The following SYN3 variants were observed in gnomAD, a reference collection of about 807,000 sequenced individuals.
SYN3 encodes the protein synapsin III.
Under a neutral mutation model 65.8 loss-of-function variants are expected in SYN3, and 35 were observed. The observed-to-expected ratio is 0.53, with a 90% CI of 0.41 to 0.70. The LOEUF (loss-of-function observed/expected upper bound fraction) is 0.70, where lower values mean the gene tolerates loss of function less well. SYN3 is among the 30% of genes least tolerant of loss of function. The pLI, the probability that SYN3 is intolerant of heterozygous loss-of-function variation, is 0.00. For missense variants in SYN3, 680 were observed against 749.0 expected, an observed-to-expected ratio of 0.91 and a Z score of 1.08; for synonymous variants, 270 against 292.9, an observed-to-expected ratio of 0.92 and a Z score of 0.80.
rs572618678 is a variant in SYN3, at chr22:32,695,033, G to A, written c.712-98297C>T. Among the ~76,000 whole-genome samples the A allele has an allele frequency of 1.2e-4, 19 of 152,262 alleles. No homozygotes were observed. The South Asian group carries it at 2.7e-3, about 22-fold the overall frequency. ...TCAGAATTTTGACTGAACATTCTCC[G>A]TCAAAGTTCTATGGTATATTAAGAC... On this transcript the variant is annotated intron_variant, in intron 6 of 13. Coordinates refer to ENST00000358763, the MANE Select transcript of SYN3 (RefSeq NM_003490.4).
chr22:32,582,779 C>T (rs537732771), intron 7 of SYN3, among the ~76,000 whole-genome samples: 5 of 151,900 alleles, frequency 3.3e-5, no homozygotes, highest in African/African-American at 7.3e-5. Flanking sequence ...AGCTCAGGAC[C>T]GTCTGACTTC....
At chr22:32,565,091 G>A (rs1318912350) in intron 7 of SYN3, among the ~76,000 whole-genome samples, 1 of 150,734 alleles carries the variant, frequency 6.6e-6, no homozygotes, top group African/African-American at 2.4e-5. Context: ...TACACAAACA[G>A]TGCTCCCGGA....
At chr22:33,007,098 A>C (rs1569399933) in intron 1 of SYN3, among the ~76,000 whole-genome samples, 1 of 152,260 alleles carries the variant, frequency 6.6e-6, no homozygotes, top group Admixed American at 6.5e-5. Context: ...AATACTGGGA[A>C]GTATCTCAAC....
intron 4 of SYN3, among the ~76,000 whole-genome samples, chr22:32,901,599 T>C (rs1441403226): frequency 2.6e-5 from 4 of 152,240 alleles, no homozygotes; most frequent in Non-Finnish European, 4.4e-5. Context: ...ATTTATCAAA[T>C]ACTTTCAATG....
chr22:32,731,829 G>A (rs958309132), intron 6 of SYN3, among the ~76,000 whole-genome samples: 1 of 152,162 alleles, frequency 6.6e-6, no homozygotes, highest in African/African-American at 2.4e-5. Flanking sequence ...GCCATATGGT[G>A]TGATATTTAG....
chr22:32,601,063 T>G (rs2059274829), intron 6 of SYN3, among the ~76,000 whole-genome samples: 1 of 152,220 alleles, frequency 6.6e-6, no homozygotes, highest in African/African-American at 2.4e-5. Flanking sequence ...GAACGGCATG[T>G]CCTTCTCCAG....
chr22:32,993,561 G>A (rs553824964), intron 2 of SYN3, among the ~76,000 whole-genome samples: 1 of 152,284 alleles, frequency 6.6e-6, no homozygotes, highest in East Asian at 1.9e-4. Context: ...GGCCAGGCTG[G>A]TCTCGAACTC....
At chr22:32,863,860 T>C (rs1287122292) in intron 6 of SYN3, among the ~76,000 whole-genome samples, 1 of 152,310 alleles carries the variant, frequency 6.6e-6, no homozygotes. Flanking sequence ...TAATGAACTC[T>C]GAATTTTCCC....
intron 3 of SYN3, among the ~76,000 whole-genome samples, chr22:32,943,939 T>C (rs544095514): frequency 1.2e-3 from 183 of 152,200 alleles, no homozygotes; most frequent in African/African-American, 4.1e-3. Context: ...AGCACCCAGA[T>C]TCATACAGCA....
chr22:32,791,733 G>A (rs1364870224), intron 6 of SYN3, among the ~76,000 whole-genome samples: 2 of 151,836 alleles, frequency 1.3e-5, no homozygotes, highest in Non-Finnish European at 2.9e-5. Flanking sequence ...TTTCACTGCG[G>A]ATGTGAAAAG....
intron 1 of SYN3, among the ~76,000 whole-genome samples, chr22:33,038,396 C>T (rs1266951526): frequency 6.6e-6 from 1 of 152,230 alleles, no homozygotes; most frequent in Non-Finnish European, 1.5e-5. Context: ...AACAGTCATT[C>T]CTGCTGCACT....
intron 6 of SYN3, among the ~76,000 whole-genome samples, chr22:32,771,709 A>G (rs1178197668): frequency 6.6e-6 from 1 of 152,186 alleles, no homozygotes; most frequent in Admixed American, 6.5e-5. Context: ...AATGCCCATT[A>G]TTCATTTTCA....
intron 6 of SYN3, among the ~76,000 whole-genome samples, chr22:32,763,312 A>G (rs1239741370): frequency 6.6e-6 from 1 of 151,866 alleles, no homozygotes; most frequent in Non-Finnish European, 1.5e-5. Flanking sequence ...ACGCCTGGCT[A>G]ATTTTTTTTT....
intron 6 of SYN3, among the ~76,000 whole-genome samples, chr22:32,822,242 A>G (rs2047270884): frequency 1.3e-5 from 2 of 151,902 alleles, no homozygotes; most frequent in South Asian, 4.2e-4. Context: ...CCTGTGCCCA[A>G]AGTCTTCCTC....
intron 6 of SYN3, among the ~76,000 whole-genome samples, chr22:32,698,636 C>CAATGATGGT (rs1411817177): frequency 6.6e-6 from 1 of 152,144 alleles, no homozygotes; most frequent in Non-Finnish European, 1.5e-5. Flanking sequence ...CTGTAAAGGG[C>CAATGATGGT]AATGATGGTG....
chr22:32,833,851 A>G (rs1186671107), intron 6 of SYN3: 1 of 501,206 alleles, frequency 2.0e-6, no homozygotes, highest in Non-Finnish European at 4.0e-6. Context: ...AGCACTGATC[A>G]TGCATGGAAA....
intron 3 of SYN3, among the ~76,000 whole-genome samples, chr22:32,975,349 C>T (rs986449219): frequency 2.0e-5 from 3 of 149,226 alleles, no homozygotes; most frequent in African/African-American, 2.5e-5. Flanking sequence ...CACTCCAGCC[C>T]AGCGACAGAG....
At chr22:32,710,111 A>ATATGTG (rs71320949) in intron 6 of SYN3, among the ~76,000 whole-genome samples, 8,198 of 135,162 alleles carry the variant, frequency 0.061, 323 homozygotes, top group African/African-American at 0.095. Flanking sequence ...GTGTGTGTGT[A>ATATGTG]TGTGTGTGTG....
chr22:32,830,414 A>G (rs947332600), intron 6 of SYN3, among the ~76,000 whole-genome samples: 1 of 152,152 alleles, frequency 6.6e-6, no homozygotes, highest in African/African-American at 2.4e-5. Flanking sequence ...GTCTATAGCT[A>G]GGAGGAGCTG....
Sources: allele counts gnomAD v4.1 joint callset (sites outside exome capture counted in the v4.1 genomes callset), GRCh38; gene constraint gnomAD v4.1.1; transcripts MANE v1.5; gene names NCBI Gene and HGNC (gene_info 2026-07-23, HGNC 2026-07-21).